The following NRG1 variants were observed in gnomAD, a reference collection of about 807,000 sequenced individuals.
The protein encoded by NRG1 is pro-neuregulin-1, membrane-bound isoform.
A neutral mutation model predicts 63.8 loss-of-function variants in NRG1; 18 were observed. The observed-to-expected ratio is 0.28, with a 90% CI of 0.19 to 0.42. The LOEUF (loss-of-function observed/expected upper bound fraction) is 0.42. NRG1 is among the 10% of genes least tolerant of loss of function. The probability of loss-of-function intolerance (pLI) is 1.00; values close to 1 mark genes in which losing one functional copy is unlikely to be tolerated. For missense variants in NRG1, 762 were observed against 814.7 expected (o/e 0.94, Z 0.79); for synonymous variants, 302 against 301.3 (o/e 1.00, Z -0.02).
At chr8:31,656,909 A>C (rs1805487490) in intron 1 of NRG1, among the ~76,000 whole-genome samples, 3 of 152,230 alleles carry the variant, frequency 2.0e-5, no homozygotes. Flanking sequence ...AAAATATTTG[A>C]GTCAAAAGGT....
In NRG1 at chr8:31,640,603, T is replaced by A. The variant is rs1175441804; in HGVS notation, c.37+1172T>A. On this transcript the variant is annotated intron_variant, in intron 1 of 10. Transcript: ENST00000519301. The surrounding 1 kb of genome is among the most constrained non-coding windows in gnomAD (Gnocchi z 6.3). ...GCTCAAGGAGGACAGCAGGTACATC[T>A]TCTTCATGGAGCCCGACGCCAACAG... 1 of 1,612,044 alleles carries A rather than the reference T, an allele frequency of 6.2e-7. No individual in the cohort carries two copies. Among genetic ancestry groups the A allele is most frequent in the Non-Finnish European group, 8.5e-7 (1 of 1,179,604 alleles).
chr8:32,589,888 G>T (rs192561095), intron 1 of NRG1, among the ~76,000 whole-genome samples: 1 of 152,084 alleles, frequency 6.6e-6, no homozygotes, highest in Non-Finnish European at 1.5e-5. Context: ...TAAATTATTA[G>T]AATAAATGAA....
At chr8:32,567,347 T>A (rs1837639509) in intron 1 of NRG1, among the ~76,000 whole-genome samples, 1 of 152,200 alleles carries the variant, frequency 6.6e-6, no homozygotes, top group Non-Finnish European at 1.5e-5. Context: ...TGACAAGGTG[T>A]AAATCTCACT....
At chr8:31,733,170 A>C (rs7817550) in intron 1 of NRG1, among the ~76,000 whole-genome samples, 1 of 150,096 alleles carries the variant, frequency 6.7e-6, no homozygotes, top group African/African-American at 2.5e-5. Context: ...TTATGGCTGA[A>C]TAGCATTCCA....
intron 1 of NRG1, among the ~76,000 whole-genome samples, chr8:32,520,657 C>A (rs1330309854): frequency 6.6e-6 from 1 of 152,220 alleles, no homozygotes; most frequent in African/African-American, 2.4e-5. Context: ...TCAGCATAGG[C>A]TCTGTGTGAG....
At chr8:32,229,905 T>C (rs1586235329) in intron 1 of NRG1, among the ~76,000 whole-genome samples, 1 of 152,058 alleles carries the variant, frequency 6.6e-6, no homozygotes, top group Non-Finnish European at 1.5e-5. Context: ...ATGGCACTGC[T>C]CATTAGAAAT....
At chr8:32,226,237 C>A (rs890100894) in intron 1 of NRG1, among the ~76,000 whole-genome samples, 4 of 152,124 alleles carry the variant, frequency 2.6e-5, no homozygotes, top group African/African-American at 9.7e-5. Context: ...ATATTTCCGG[C>A]TCTTGATATG....
chr8:31,908,771 GTATT>G (rs1326330810), intron 1 of NRG1, among the ~76,000 whole-genome samples: 3 of 151,930 alleles, frequency 2.0e-5, no homozygotes, highest in Non-Finnish European at 4.4e-5. Flanking sequence ...CATAATTTGT[GTATT>G]TATTTGCTGC....
chr8:31,833,344 T>G, intron 1 of NRG1, among the ~76,000 whole-genome samples: 1 of 152,230 alleles, frequency 6.6e-6, no homozygotes, highest in East Asian at 1.9e-4. Flanking sequence ...CTTGTTCAGC[T>G]TTGGTTATTA....
chr8:32,406,376 T>A (rs960951388), intron 1 of NRG1, among the ~76,000 whole-genome samples: 2 of 152,196 alleles, frequency 1.3e-5, no homozygotes, highest in Admixed American at 6.5e-5. Context: ...CATAGTACCT[T>A]ATTCAAAGGT....
chr8:32,181,855 A>G (rs1841461464), intron 1 of NRG1, among the ~76,000 whole-genome samples: 1 of 152,240 alleles, frequency 6.6e-6, no homozygotes, highest in African/African-American at 2.4e-5. Context: ...AAAACTGGCA[A>G]TGGAATATTA....
intron 1 of NRG1, among the ~76,000 whole-genome samples, chr8:32,296,647 C>CA (rs972952997): frequency 4.4e-5 from 6 of 137,284 alleles, no homozygotes; most frequent in African/African-American, 1.3e-4. Context: ...TCCTTAAAAA[C>CA]AAAAAAAGCT....
intron 1 of NRG1, among the ~76,000 whole-genome samples, chr8:31,787,840 A>G (rs918464717): frequency 1.3e-5 from 2 of 152,184 alleles, no homozygotes; most frequent in Non-Finnish European, 2.9e-5. Context: ...GGTTAAATCA[A>G]TATTCTCAAT....
chr8:32,029,221 T>C (rs1817908299), intron 1 of NRG1, among the ~76,000 whole-genome samples: 1 of 152,224 alleles, frequency 6.6e-6, no homozygotes, highest in Non-Finnish European at 1.5e-5. Context: ...TCAAATATGA[T>C]TTAAATGTTA....
chr8:32,521,923 C>T (rs1413821667), intron 1 of NRG1, among the ~76,000 whole-genome samples: 2 of 152,110 alleles, frequency 1.3e-5, no homozygotes, highest in Non-Finnish European at 1.5e-5. Context: ...AATATGAGAG[C>T]TCTTAATAAA....
chr8:31,809,381 CGTGTATATATAT>C (rs1359578930), intron 1 of NRG1, among the ~76,000 whole-genome samples: 1 of 136,456 alleles, frequency 7.3e-6, no homozygotes, highest in Non-Finnish European at 1.6e-5. Flanking sequence ...CGTATATATA[CGTGTATATATAT>C]GTGTGTGTGT....
chr8:31,828,024 C>T (rs562727386), intron 1 of NRG1, among the ~76,000 whole-genome samples: 1 of 152,308 alleles, frequency 6.6e-6, no homozygotes, highest in African/African-American at 2.4e-5. Context: ...TACAATAGTT[C>T]AGGCACTGAA....
intron 1 of NRG1, among the ~76,000 whole-genome samples, chr8:32,414,272 G>C (rs948184710): frequency 6.6e-6 from 1 of 152,152 alleles, no homozygotes; most frequent in Non-Finnish European, 1.5e-5. Flanking sequence ...TTATAGCTGA[G>C]ATGCCAGGAA....
chr8:32,647,753 C>T (rs1853950036), intron 5 of NRG1: 1 of 1,592,780 alleles, frequency 6.3e-7, no homozygotes, highest in Middle Eastern at 1.7e-4. Flanking sequence ...CTGAGGTCGC[C>T]GCCGAGAGGT....
Sources: gnomAD v4.1 joint callset for allele counts (sites outside exome capture counted in the v4.1 genomes callset) on GRCh38, gnomAD v4.1.1 for gene constraint, Gnocchi (gnomAD v3.1) non-coding constraint, MANE v1.5 for transcripts, NCBI Gene and HGNC (gene_info 2026-07-23, HGNC 2026-07-21) for gene names.